The following CTNNA3 variants were observed in gnomAD, a reference collection of about 807,000 sequenced individuals.
The protein encoded by CTNNA3 is catenin alpha-3.
In CTNNA3, 76 loss-of-function variants were observed where a neutral mutation model predicts 95.7. The observed-to-expected ratio is 0.79, with a 90% CI of 0.66 to 0.96. CTNNA3 has a LOEUF of 0.96. Among genes scored for constraint, CTNNA3 ranks in the 40% least tolerant of loss-of-function variants. CTNNA3 has a pLI of 0.00. For synonymous variants in CTNNA3, 431 were observed against 374.4 expected (o/e 1.15, Z -1.74); for missense variants, 1,191 against 1,089.8 (o/e 1.09, Z -1.31).
At chr10:67,338,063 T>A (rs191860275) in intron 5 of CTNNA3, among the ~76,000 whole-genome samples, 1 of 152,188 alleles carries the variant, frequency 6.6e-6, no homozygotes, top group African/African-American at 2.4e-5. Flanking sequence ...TTAATTAATT[T>A]GTTTCATCTT....
At chr10:66,542,629 A>C (rs1443025066) in intron 10 of CTNNA3, among the ~76,000 whole-genome samples, 1 of 151,952 alleles carries the variant, frequency 6.6e-6, no homozygotes, top group Non-Finnish European at 1.5e-5. Context: ...TCAGCAAACT[A>C]TCACAAGGAC....
At chr10:66,254,285 C>G (rs2090673520) in intron 13 of CTNNA3, among the ~76,000 whole-genome samples, 1 of 152,136 alleles carries the variant, frequency 6.6e-6, no homozygotes, top group Admixed American at 6.5e-5. Flanking sequence ...CATCTGGTAC[C>G]AAGCTCTTTT....
chr10:67,182,299 G>A (rs1862592949), intron 6 of CTNNA3, among the ~76,000 whole-genome samples: 1 of 152,062 alleles, frequency 6.6e-6, no homozygotes, highest in South Asian at 2.1e-4. Flanking sequence ...TACACCACAA[G>A]GCTACAGTAA....
intron 11 of CTNNA3, among the ~76,000 whole-genome samples, chr10:66,446,137 C>T (rs189126430): frequency 2.0e-5 from 3 of 152,248 alleles, no homozygotes; most frequent in East Asian, 1.9e-4. Flanking sequence ...AAAGTTGAAT[C>T]TCTGAATAGA....
intron 9 of CTNNA3, among the ~76,000 whole-genome samples, chr10:66,676,065 A>G (rs1001301776): frequency 6.6e-6 from 1 of 152,010 alleles, no homozygotes; most frequent in African/African-American, 2.4e-5. Flanking sequence ...TTCTGTTAAC[A>G]TAAATAATGG....
At chr10:66,774,328 G>A (rs896188986) in intron 8 of CTNNA3, among the ~76,000 whole-genome samples, 2 of 152,094 alleles carry the variant, frequency 1.3e-5, no homozygotes, top group African/African-American at 4.8e-5. Context: ...CTGAGTCCTG[G>A]TACAGGTTCT....
At chr10:66,232,089 G>C (rs2089616198) in intron 13 of CTNNA3, among the ~76,000 whole-genome samples, 1 of 152,166 alleles carries the variant, frequency 6.6e-6, no homozygotes, top group South Asian at 2.1e-4. Context: ...GGTTTTCAGA[G>C]TTAATCCTAA....
intron 1 of CTNNA3, among the ~76,000 whole-genome samples, chr10:67,724,428 A>C (rs1841197530): frequency 6.6e-6 from 1 of 152,184 alleles, no homozygotes; most frequent in Admixed American, 6.5e-5. Flanking sequence ...CAGTTACATC[A>C]TGCAGATAAT....
intron 13 of CTNNA3, among the ~76,000 whole-genome samples, chr10:66,247,742 G>C (rs1362482456): frequency 6.6e-6 from 1 of 152,108 alleles, no homozygotes; most frequent in Non-Finnish European, 1.5e-5. Context: ...TAGTATTACT[G>C]GTGAAAATAT....
At chr10:66,337,446 C>T (rs2092409525) in intron 12 of CTNNA3, among the ~76,000 whole-genome samples, 1 of 152,052 alleles carries the variant, frequency 6.6e-6, no homozygotes, top group South Asian at 2.1e-4. Context: ...CTCCACAGTG[C>T]TATGAGCCAG....
intron 3 of CTNNA3, among the ~76,000 whole-genome samples, chr10:67,567,953 C>A (rs1841863511): frequency 6.6e-6 from 1 of 152,022 alleles, no homozygotes; most frequent in African/African-American, 2.4e-5. Flanking sequence ...TATATTAATG[C>A]AGGAGCCTCC....
chr10:67,522,026 CT>C, intron 4 of CTNNA3, 65 bp from the exon 5 acceptor site: 1 of 1,532,792 alleles, frequency 6.5e-7, no homozygotes, highest in African/African-American at 1.4e-5. Context: ...TCTCAACTTG[CT>C]AACACGAAGA....
chr10:66,288,009 T>C (rs188076026), intron 12 of CTNNA3, among the ~76,000 whole-genome samples: 1 of 152,186 alleles, frequency 6.6e-6, no homozygotes, highest in African/African-American at 2.4e-5. Flanking sequence ...TGCTAAGGAA[T>C]GACAAACTGC....
chr10:67,438,110 G>T (rs1488650313), intron 5 of CTNNA3, among the ~76,000 whole-genome samples: 1 of 152,046 alleles, frequency 6.6e-6, no homozygotes, highest in Non-Finnish European at 1.5e-5. Flanking sequence ...AAGAGGAAAG[G>T]GTCAGGGAGC....
At position 66,979,068 on chromosome 10, in the gene CTNNA3, G is replaced by A. The variant is rs35764980; in HGVS notation, c.1047+201249C>T. On this transcript the variant is annotated intron_variant, in intron 7 of 17. Coordinates refer to ENST00000433211, the MANE Select transcript of CTNNA3 (RefSeq NM_013266.4). ...CAACCTCTACCTCCTGGGCTCAAGA[G>A]ATTCTCCTGCCTCAGCCTCCTGAGT... 8.5e-3 allele frequency among the ~76,000 whole-genome samples: 1,248 copies of A among 147,138 alleles called. 18 individuals carry two copies. The highest frequency in any genetic ancestry group is 0.03 in the African/African-American group (1,183 of 40,000).
rs539735145 is a variant in CTNNA3, at chr10:66,482,894, G to A, written c.1531+37723C>T. Among the ~76,000 whole-genome samples, 32 of 152,236 alleles carry A rather than the reference G, an allele frequency of 2.1e-4. No individual in the cohort carries two copies. The South Asian group carries it at 6.0e-3, about 29-fold the overall frequency. ...TCCTTTGTGCAATGTGGGAATTAAGGAGGAGGGCCTGGTCCAGGGGTTGTT... is the reference window on the plus strand; with the variant it reads ...TCCTTTGTGCAATGTGGGAATTAAGAAGGAGGGCCTGGTCCAGGGGTTGTT... On this transcript the variant is annotated intron_variant, in intron 11 of 17. Transcript: ENST00000433211.
intron 7 of CTNNA3, among the ~76,000 whole-genome samples, chr10:67,103,375 A>G (rs2131951015): frequency 6.6e-6 from 1 of 151,854 alleles, no homozygotes; most frequent in East Asian, 1.9e-4. Flanking sequence ...TTTATTCCCC[A>G]TTAACTCTTT....
chr10:66,136,266 T>C (rs1589515888), intron 13 of CTNNA3, among the ~76,000 whole-genome samples: 1 of 152,324 alleles, frequency 6.6e-6, no homozygotes, highest in East Asian at 1.9e-4. Flanking sequence ...ATAAATCAAT[T>C]CTCAAAGAAT....
intron 5 of CTNNA3, among the ~76,000 whole-genome samples, chr10:67,260,871 G>A (rs765832289): frequency 7.9e-5 from 12 of 152,026 alleles, no homozygotes; most frequent in South Asian, 2.1e-4. Context: ...TTTTAGTAGA[G>A]ATGGGGTTTC....
Sources: allele counts gnomAD v4.1 joint callset (sites outside exome capture counted in the v4.1 genomes callset), GRCh38; gene constraint gnomAD v4.1.1; transcripts MANE v1.5; gene names NCBI Gene and HGNC (gene_info 2026-07-23, HGNC 2026-07-21).